KRT76: variants seen among roughly 807,000 people sequenced by gnomAD.
The protein encoded by KRT76 is keratin 76, also known as keratin, type II cytoskeletal 2 oral.
In KRT76, 47 loss-of-function variants were observed where a neutral mutation model predicts 44.9. The ratio of observed to expected loss-of-function variants is 1.05; its 90% confidence interval spans 0.83 to 1.33. The LOEUF (loss-of-function observed/expected upper bound fraction) is 1.33. Ranked by LOEUF, KRT76 falls within the 40% of genes most tolerant of loss-of-function variation. KRT76 has a pLI of 0.00. For missense variants in KRT76, 860 were observed against 775.8 expected, an observed-to-expected ratio of 1.11 and a Z score of -1.29; for synonymous variants, 331 against 294.1, an observed-to-expected ratio of 1.13 and a Z score of -1.28.
Position 52,776,797 on chromosome 12 carries a change from C to T in KRT76, c.495G>A (p.Leu165=), listed in dbSNP as rs748896169. 12 of 1,614,042 alleles carry T rather than the reference C, an allele frequency of 7.4e-6. No individual in the cohort carries two copies. The East Asian group carries it at 2.0e-4, about 27-fold the overall frequency. ...IQEVIVNQSL[L]QPLNVEIDPQ... ...GGTCGATCTCCACATTGAGGGGCTGCAGGAGACTCTGGTTTACAATCACTT... is the reference window on the plus strand; with the variant it reads ...GGTCGATCTCCACATTGAGGGGCTGTAGGAGACTCTGGTTTACAATCACTT... Residue 165 remains leucine, a synonymous_variant, in exon 1 of 9, where the codon CTG becomes CTA. Coordinates refer to ENST00000332411, the MANE Select transcript of KRT76 (RefSeq NM_015848.4).
intron 7 of KRT76, 62 bp downstream of exon 7, chr12:52,770,937 C>T (rs1385328513): frequency 1.2e-6 from 2 of 1,604,604 alleles, no homozygotes; most frequent in African/African-American, 2.7e-5. Context: ...TGCCCCCTTT[C>T]CACATTATCA....
chr12:52,777,307 A>C lies in KRT76; in HGVS notation c.-16T>G, dbSNP rs750074523. On this transcript the variant is annotated 5_prime_UTR_variant, in exon 1 of 9. Transcript: ENST00000332411. ...GTCTGTTCATAGTGAGAGAGCTTGG[A>C]GGCAAGCTAGTGATCACTTAGCAAG... 2 of 1,613,614 alleles carry C rather than the reference A, an allele frequency of 1.2e-6. No individual in the cohort carries two copies. Among genetic ancestry groups the C allele is most frequent in the Non-Finnish European group, 1.7e-6 (2 of 1,179,744 alleles).
At chr12:52,769,678 G>T in intron 7 of KRT76, 95 bp from the exon 8 acceptor site, 2 of 1,049,198 alleles carry the variant, frequency 1.9e-6, no homozygotes, top group Non-Finnish European at 3.0e-6. Context: ...CCTCCCATTT[G>T]CCCCACTAGG....
At chr12:52,769,382 T>C (rs1939144280) in intron 8 of KRT76, among the ~76,000 whole-genome samples, 167 bp downstream of exon 8, 1 of 152,202 alleles carries the variant, frequency 6.6e-6, no homozygotes, top group Non-Finnish European at 1.5e-5. Context: ...GTTGTCAGCT[T>C]ACACTAGGGG....
rs764340078 is a variant in KRT76 at position 52,776,933 on chromosome 12, C to T, written c.359G>A (p.Gly120Asp). Residue 120 changes from glycine to aspartate, a missense_variant, in exon 1 of 9, where the codon GGT becomes GAT. Coordinates refer to ENST00000332411, the MANE Select transcript of KRT76 (RefSeq NM_015848.4). Reference sequence around the variant, plus strand: ...AAAGCCACCAGCTCCACCAAAGCCACCAGCCCCTCCAAAACCACTACCTAC... The same window carrying T: ...AAAGCCACCAGCTCCACCAAAGCCATCAGCCCCTCCAAAACCACTACCTAC... ...RGVGSGFGGA[G>D]GFGGAGGFGG... is the part of the protein sequence containing the mutation. 5 of 1,613,614 alleles carry T rather than the reference C, an allele frequency of 3.1e-6. No homozygotes were observed. The Admixed American group carries it at 8.3e-5, about 27-fold the overall frequency.
intron 7 of KRT76, 95 bp downstream of exon 7, chr12:52,770,904 T>C: frequency 6.6e-7 from 1 of 1,515,080 alleles, no homozygotes; most frequent in Non-Finnish European, 9.1e-7. Flanking sequence ...CCCTTTGTCT[T>C]AGTGTTCCTC....
chr12:52,771,073 C>T lies in KRT76; in HGVS notation c.1410G>A (p.Glu470=). The change falls in exon 7 of 9, where the codon GAG becomes GAA. Residue 470 remains glutamate, a synonymous_variant. Transcript: ENST00000332411. ...CCAGGGCCAGCTTGACGTTCATCAGCTCCTGGTAGTCACGCAGGAGCCGAG... is the reference window on the plus strand; with the variant it reads ...CCAGGGCCAGCTTGACGTTCATCAGTTCCTGGTAGTCACGCAGGAGCCGAG... ...DLARLLRDYQ[E]LMNVKLALDV... is the part of the protein sequence containing the mutation. 6.2e-7 allele frequency: 1 copy of T among 1,614,142 alleles called. No individual in the cohort carries two copies. The highest frequency in any genetic ancestry group is 8.5e-7 in the Non-Finnish European group (1 of 1,180,016).
At chr12:52,775,252 T>C in intron 2 of KRT76, 136 bp downstream of exon 2, 1 of 777,082 alleles carries the variant, frequency 1.3e-6, no homozygotes, top group South Asian at 1.7e-5. Flanking sequence ...CCCTTCTGCT[T>C]TGTCATGTTT....
Position 52,772,659 on chromosome 12 carries a change from G to A in KRT76, c.972+124C>T, listed in dbSNP as rs1592294145. The A allele has an allele frequency of 1.6e-5, 12 of 733,648 alleles. No individual in the cohort carries two copies. In the East Asian group the frequency reaches 2.5e-4, roughly 15 times the overall value. The allele number at this position is 733,648 out of a possible 1,614,324, so 45.4% of individuals were successfully genotyped here. A position where few individuals can be genotyped will look rare whatever the true frequency, so the allele number is the denominator to read the frequency against. ...GCTCAGTTAACATTTCCCAGGTGGG[G>A]TGGAGCTGAGTCCTGAGCCCCATTG... On this transcript the variant is annotated intron_variant, in intron 4 of 8. Transcript: ENST00000332411.
In KRT76 at chr12:52,768,768, G is replaced by A. The variant is rs1464654684; in HGVS notation, c.1862C>T (p.Thr621Ile). 1 of 1,612,064 alleles carries A rather than the reference G, an allele frequency of 6.2e-7. No individual in the cohort carries two copies. Among genetic ancestry groups the A allele is most frequent in the Admixed American group, 1.7e-5 (1 of 59,976 alleles). ...CGTGGTCTGGGAGAAGCGGATACTG[G>A]TGCTGCCTCCACCACCAGACTTGTA... ...SGYKSGGGGSTSIRFSQTTSS... is the reference protein window; with the variant it reads ...SGYKSGGGGSISIRFSQTTSS... The change falls in exon 9 of 9, where the codon ACC (threonine) becomes ATC (isoleucine). Residue 621 changes from threonine (T) to isoleucine (I), a missense_variant. Coordinates refer to ENST00000332411, the MANE Select transcript of KRT76 (RefSeq NM_015848.4).
At position 52,775,540 on chromosome 12, in the gene KRT76, C is replaced by T. The variant is rs1939249233; in HGVS notation, c.663G>A (p.Gln221=). 1 of 1,614,008 alleles carries T rather than the reference C, an allele frequency of 6.2e-7. No homozygotes were observed. The highest frequency in any genetic ancestry group is 1.7e-5 in the Admixed American group (1 of 60,012). Residue 221 remains glutamine (Q), a synonymous_variant, in exon 2 of 9, where the codon CAG becomes CAA. Coordinates refer to ENST00000332411, the MANE Select transcript of KRT76 (RefSeq NM_015848.4). The part of the protein sequence containing the change: ...LETKWELLQQ[Q]TTGSGPSSLE... ...GGCTGCTGGGCCCTGAGCCTGTGGT[C>T]TGCTGCTGGAGCAGTTCCCACTTGG...
Position 52,775,560 on chromosome 12 carries a change from A to G in KRT76, c.643T>C (p.Trp215Arg), listed in dbSNP as rs140457873. Reference sequence around the variant, plus strand: ...GTGGTCTGCTGCTGGAGCAGTTCCCACTTGGTCTCCAGGACCTTGTTCTGC... The same window carrying G: ...GTGGTCTGCTGCTGGAGCAGTTCCCGCTTGGTCTCCAGGACCTTGTTCTGC... ...EQQNKVLETK[W>R]ELLQQQTTGS... The change falls in exon 2 of 9, where the codon TGG becomes CGG. Residue 215 changes from tryptophan to arginine, a missense_variant. By Grantham distance (101) the Trp-to-Arg change is moderately radical (BLOSUM62 -3). Transcript: ENST00000332411. 6 of 1,613,786 alleles carry G rather than the reference A, an allele frequency of 3.7e-6. No homozygotes were observed. The highest frequency in any genetic ancestry group is 4.2e-6 in the Non-Finnish European group (5 of 1,180,028).
Position 52,775,606 on chromosome 12 carries a change from C to T in KRT76, c.601-4G>A, listed in dbSNP as rs759285235. The stretch of plus-strand genomic sequence containing the variant: ...TCTGCTGTTCCAGGAACCGCACCTG[C>T]ATGAAAGAGGGGAGAAAAGGAGTCA... On this transcript the variant is annotated splice_polypyrimidine_tract_variant and splice_region_variant and intron_variant, in intron 1 of 8. Transcript: ENST00000332411. The T allele has an allele frequency of 3.7e-6, 6 of 1,612,304 alleles. No individual in the cohort carries two copies. Among genetic ancestry groups the T allele is most frequent in the Non-Finnish European group, 4.2e-6 (5 of 1,179,318 alleles).
At chr12:52,772,953 A>T (rs1265105786) in intron 3 of KRT76, 75 bp from the exon 4 acceptor site, 1 of 1,010,324 alleles carries the variant, frequency 9.9e-7, no homozygotes, top group East Asian at 2.4e-5. Context: ...CTAAGCCCTC[A>T]TGTCTCGTCT....
At chr12:52,774,797 C>T (rs1036660309) in intron 2 of KRT76, among the ~76,000 whole-genome samples, 2 of 152,152 alleles carry the variant, frequency 1.3e-5, no homozygotes, top group Admixed American at 6.5e-5. Context: ...CTGGGGAAGT[C>T]GGGAGCTCCC....
intron 8 of KRT76, 53 bp from the exon 9 acceptor site, chr12:52,769,163 C>A: frequency 1.5e-6 from 1 of 657,100 alleles, no homozygotes; most frequent in South Asian, 1.7e-5. Context: ...AACTGGAAGC[C>A]AAGGACTGTA....
At chr12:52,772,428 A>C (rs1404810158) in intron 4 of KRT76, among the ~76,000 whole-genome samples, 170 bp from the exon 5 acceptor site, 3 of 152,258 alleles carry the variant, frequency 2.0e-5, no homozygotes, top group African/African-American at 7.2e-5. Flanking sequence ...AACAAGGCTA[A>C]AGGAAATATG....
rs1455502726 is a variant in KRT76, at chr12:52,768,689, G to A, written c.*24C>T. On this transcript the variant is annotated 3_prime_UTR_variant, in exon 9 of 9. Coordinates refer to ENST00000332411, the MANE Select transcript of KRT76 (RefSeq NM_015848.4). ...TTGCAGGCTGAGTGGGAAGCAGGTG[G>A]TTATAGAGATTTGGAACAGTAGATC... The A allele has an allele frequency of 3.2e-6, 5 of 1,570,252 alleles. No homozygotes were observed. Among genetic ancestry groups the A allele is most frequent in the Non-Finnish European group, 4.3e-6 (5 of 1,150,590 alleles).
rs1939264881 is a variant in KRT76 at position 52,776,696 on chromosome 12, T to C, written c.596A>G (p.Asp199Gly). The C allele has an allele frequency of 6.2e-7, 1 of 1,613,962 alleles. No individual in the cohort carries two copies. Among genetic ancestry groups the C allele is most frequent in the Non-Finnish European group, 8.5e-7 (1 of 1,180,036 alleles). Residue 199 changes from aspartate (D) to glycine (G), a missense_variant, in exon 1 of 9, where the codon GAC becomes GGC. By Grantham distance (94) the Asp-to-Gly change is moderately conservative (BLOSUM62 -1). Coordinates refer to ENST00000332411, the MANE Select transcript of KRT76 (RefSeq NM_015848.4). ...TLNNKFASFI[D>G]KVRFLEQQNK... ...ACCTCTTGGCCTTGCCCTCACCTTG[T>C]CGATGAAGGAGGCAAACTTGTTGTT...
Sources: gnomAD v4.1 joint callset for allele counts (sites outside exome capture counted in the v4.1 genomes callset) on GRCh38, gnomAD v4.1.1 for gene constraint, MANE v1.5 for transcripts, NCBI Gene and HGNC (gene_info 2026-07-23, HGNC 2026-07-21) for gene names.